Variants in TMEM150B observed in about 807,000 individuals in gnomAD.
TMEM150B encodes the protein modulator of macroautophagy TMEM150B.
Under a neutral mutation model 25.2 loss-of-function variants are expected in TMEM150B, and 33 were observed. The observed-to-expected ratio is 1.31, with a 90% CI of 0.99 to 1.75. TMEM150B has a LOEUF of 1.75. TMEM150B is among the 40% of genes most tolerant of loss of function. TMEM150B has a pLI of 0.00. For missense variants in TMEM150B, 322 were observed against 306.1 expected (o/e 1.05, Z -0.39); for synonymous variants, 133 against 134.8 (o/e 0.99, Z 0.09).
chr19:55,324,646 T>C, intron 1 of TMEM150B: 1 of 903,496 alleles, frequency 1.1e-6, no homozygotes, highest in Non-Finnish European at 1.3e-6. Flanking sequence ...AGACTCCGTC[T>C]CCAAAAATAA....
chr19:55,311,913 G>A (rs1301025307), downstream of TMEM150B: 3 of 1,611,178 alleles, frequency 1.9e-6, no homozygotes, highest in Non-Finnish European at 2.5e-6. Context: ...CCTTGCAGAC[G>A]AGAAGAACGG....
intron 1 of TMEM150B, chr19:55,324,974 C>A (rs535473593): frequency 1.4e-6 from 1 of 692,736 alleles, no homozygotes; most frequent in Non-Finnish European, 1.8e-6. Flanking sequence ...GCTCCTCCGT[C>A]GGCCCTCAAC....
chr19:55,313,289 T>C (rs2088872071), intron 7 of TMEM150B, among the ~76,000 whole-genome samples: 1 of 152,110 alleles, frequency 6.6e-6, no homozygotes, highest in Non-Finnish European at 1.5e-5. Context: ...CCGTTACTAT[T>C]GCAATCCTAA....
downstream of TMEM150B, among the ~76,000 whole-genome samples, chr19:55,311,365 T>C (rs2088789838): frequency 6.6e-6 from 1 of 152,098 alleles, no homozygotes; most frequent in African/African-American, 2.4e-5. Flanking sequence ...AACCAGTGTT[T>C]CCACCTCAGT....
chr19:55,309,952 G>T (rs2088745980), downstream of TMEM150B, among the ~76,000 whole-genome samples: 1 of 152,188 alleles, frequency 6.6e-6, no homozygotes, highest in African/African-American at 2.4e-5. Flanking sequence ...CAGGACCCAT[G>T]CCCCTTCCTG....
At chr19:55,320,673 T>C in intron 3 of TMEM150B, 56 bp from the exon 4 acceptor site, 1 of 1,604,914 alleles carries the variant, frequency 6.2e-7, no homozygotes, top group Non-Finnish European at 8.5e-7. Flanking sequence ...TTCCTTCTGT[T>C]AACCAAACAA....
rs867800168 is a variant in TMEM150B at position 55,312,917 on chromosome 19, G to A, written c.644C>T (p.Pro215Leu). ...ALESCTLCVQPWPSLSPPPAS... is the reference protein window; with the variant it reads ...ALESCTLCVQLWPSLSPPPAS... ...CGGCGGGGGGCTGAGGCTGGGCCACGGCTGAACACACAGGGTGCAGCTCTC... is the reference window on the plus strand; with the variant it reads ...CGGCGGGGGGCTGAGGCTGGGCCACAGCTGAACACACAGGGTGCAGCTCTC... Residue 215 changes from proline (P) to leucine (L), a missense_variant, in exon 8 of 8, where the codon CCG becomes CTG. Coordinates refer to ENST00000326652, the MANE Select transcript of TMEM150B (RefSeq NM_001282011.2). 10 of 1,608,296 alleles carry A rather than the reference G, an allele frequency of 6.2e-6. No homozygotes were observed. Among genetic ancestry groups the A allele is most frequent in the African/African-American group, 1.3e-5 (1 of 74,784 alleles).
At position 55,312,945 on chromosome 19, in the gene TMEM150B, G is replaced by C; in HGVS notation, c.616C>G (p.Leu206Val). ...FGLLAVDFSA[L>V]ESCTLCVQPW... ...TGAACACACAGGGTGCAGCTCTCCAGGGCGGAGAAGTCAACGGCTAAGAGA... is the reference window on the plus strand; with the variant it reads ...TGAACACACAGGGTGCAGCTCTCCACGGCGGAGAAGTCAACGGCTAAGAGA... Residue 206 changes from leucine to valine, a missense_variant, in exon 8 of 8, where the codon CTG (leucine) becomes GTG (valine). Leu to Val is a conservative substitution (Grantham distance 32). Coordinates refer to ENST00000326652, the MANE Select transcript of TMEM150B (RefSeq NM_001282011.2). 1 of 1,613,146 alleles carries C rather than the reference G, an allele frequency of 6.2e-7. No individual in the cohort carries two copies. The highest frequency in any genetic ancestry group is 1.1e-5 in the South Asian group (1 of 91,000).
intron 6 of TMEM150B, among the ~76,000 whole-genome samples, chr19:55,317,784 G>GAA (rs71181755): frequency 4.8e-4 from 69 of 142,384 alleles, no homozygotes; most frequent in Middle Eastern, 3.6e-3. Context: ...TCCATCTCAA[G>GAA]AAAAAAAAAA....
At chr19:55,318,272 G>A (rs562780224) in intron 6 of TMEM150B, among the ~76,000 whole-genome samples, 1 of 152,236 alleles carries the variant, frequency 6.6e-6, no homozygotes, top group East Asian at 1.9e-4. Context: ...GAAGTTAGGA[G>A]AATCACTTGA....
Position 55,320,997 on chromosome 19 carries a change from C to G in TMEM150B, c.40G>C (p.Val14Leu). ...ATCCAGACGCCAGAGATAGCCCAGACAGCTAGGAAGACAGGCATCAGCGAC... is the reference window on the plus strand; with the variant it reads ...ATCCAGACGCCAGAGATAGCCCAGAGAGCTAGGAAGACAGGCATCAGCGAC... ...YLSLMPVFLA[V>L]WAISGVWIVF... Residue 14 changes from valine (V) to leucine (L), a missense_variant, in exon 3 of 8, where the codon GTC becomes CTC. Coordinates refer to ENST00000326652, the MANE Select transcript of TMEM150B (RefSeq NM_001282011.2). The G allele has an allele frequency of 1.2e-6, 2 of 1,613,994 alleles. No homozygotes were observed. Among genetic ancestry groups the G allele is most frequent in the Non-Finnish European group, 1.7e-6 (2 of 1,179,918 alleles).
rs753292222 is a variant in TMEM150B, at chr19:55,316,798, G to A, written c.493C>T (p.Leu165Phe). Reference protein sequence around the residue: ...RLGLCSVCTILIVAMIVLHAC... With the variant: ...RLGLCSVCTIFIVAMIVLHAC... ...ACAAGAAGGATACTGGCCACAATGAGGATGGTGCAGACGCTGCAGAGGCCC... is the reference window on the plus strand; with the variant it reads ...ACAAGAAGGATACTGGCCACAATGAAGATGGTGCAGACGCTGCAGAGGCCC... Residue 165 changes from leucine (L) to phenylalanine (F), a missense_variant, in exon 7 of 8, where the codon CTC becomes TTC. Physicochemically the swap from Leu to Phe is conservative, Grantham distance 22 (BLOSUM62 0). Transcript: ENST00000326652. 1.9e-6 allele frequency: 3 copies of A among 1,539,096 alleles called. No homozygotes were observed. The South Asian group carries it at 3.8e-5, about 19-fold the overall frequency.
Position 55,320,619 on chromosome 19 carries a change from T to G in TMEM150B, c.69-2A>C, listed in dbSNP as rs1207660291. 1 of 1,613,288 alleles carries G rather than the reference T, an allele frequency of 6.2e-7. No homozygotes were observed. Among genetic ancestry groups the G allele is most frequent in the Admixed American group, 1.7e-5 (1 of 59,902 alleles). ...CTGTTGGTCACTGCAATGGCAAAAC[T>G]ACGGAGGAAATCAGAGTGAGTGGGC... On this transcript the variant is annotated splice_acceptor_variant, in intron 3 of 7. Coordinates refer to ENST00000326652, the MANE Select transcript of TMEM150B (RefSeq NM_001282011.2). LOFTEE classifies it high-confidence loss of function.
intron 7 of TMEM150B, among the ~76,000 whole-genome samples, chr19:55,315,397 C>G (rs1364670316): frequency 6.6e-6 from 1 of 150,710 alleles, no homozygotes; most frequent in East Asian, 2.0e-4. Flanking sequence ...TTTGGGAGGC[C>G]AAGGCAGGTG....
At chr19:55,309,962 G>A (rs1009443658), downstream of TMEM150B, among the ~76,000 whole-genome samples, 3 of 152,162 alleles carry the variant, frequency 2.0e-5, no homozygotes, top group Non-Finnish European at 4.4e-5. Flanking sequence ...GCCCCTTCCT[G>A]GACCCCTGGA....
rs375972795 is a variant in TMEM150B, at chr19:55,316,230, G to A, written c.505+556C>T. On this transcript the variant is annotated intron_variant, in intron 7 of 7. Coordinates refer to ENST00000326652, the MANE Select transcript of TMEM150B (RefSeq NM_001282011.2). ...ATATCACAGGACATGGAGTTCGGAC[G>A]AGCAGTTCACAGAATGCCTCTCAGA... Among the ~76,000 whole-genome samples, 21 of 152,164 alleles carry A rather than the reference G, an allele frequency of 1.4e-4. No homozygotes were observed. The East Asian group carries it at 2.5e-3, about 18-fold the overall frequency.
chr19:55,323,648 C>T (rs147187376), intron 1 of TMEM150B, among the ~76,000 whole-genome samples: 2,018 of 148,528 alleles, frequency 0.014, 24 homozygotes, highest in Non-Finnish European at 0.02. Flanking sequence ...GATTACAGGC[C>T]GGTGCCACCA....
rs368636802 is a variant in TMEM150B, at chr19:55,312,834, G to A, written c.*25C>T. On this transcript the variant is annotated 3_prime_UTR_variant, in exon 8 of 8. Transcript: ENST00000326652. ...CCATCTTTCCTGCTTCACTGGTGAG[G>A]GCAAGGCCCGGGTCAGGGTGCCTGC... 317 of 1,555,112 alleles carry A rather than the reference G, an allele frequency of 2.0e-4. No homozygotes were observed. Among genetic ancestry groups the A allele is most frequent in the Middle Eastern group, 9.0e-4 (4 of 4,428 alleles).
intron 7 of TMEM150B, 75 bp from the exon 8 acceptor site, chr19:55,313,130 C>G: frequency 6.8e-7 from 1 of 1,468,510 alleles, no homozygotes; most frequent in Admixed American, 2.1e-5. Context: ...CCGCCTCGCG[C>G]TGGGCGGAGG....
Sources: gnomAD v4.1 joint callset for allele counts (sites outside exome capture counted in the v4.1 genomes callset) on GRCh38, gnomAD v4.1.1 for gene constraint, MANE v1.5 for transcripts, NCBI Gene and HGNC (gene_info 2026-07-23, HGNC 2026-07-21) for gene names.